AOAH: variants seen among roughly 807,000 people sequenced by gnomAD.
AOAH encodes acyloxyacyl hydrolase (neutrophil).
In AOAH, 64 loss-of-function variants were observed where a neutral mutation model predicts 92.2. The ratio of observed to expected loss-of-function variants is 0.69; its 90% CI spans 0.57 to 0.86. The LOEUF (loss-of-function observed/expected upper bound fraction) is 0.86, where lower values mean the gene tolerates loss of function less well. Ranked by LOEUF, AOAH falls within the 40% of genes least tolerant of loss-of-function variation. The pLI, the probability that AOAH is intolerant of heterozygous loss-of-function variation, is 0.00. For missense variants in AOAH, 656 were observed against 694.6 expected (o/e 0.94, Z 0.62); for synonymous variants, 263 against 254.5 (o/e 1.03, Z -0.32).
intron 16 of AOAH, among the ~76,000 whole-genome samples, chr7:36,534,644 C>T (rs1469373413): frequency 3.9e-5 from 6 of 152,066 alleles, no homozygotes; most frequent in African/African-American, 1.4e-4. Flanking sequence ...TTAAGCATTA[C>T]CTTTTATCTT....
At chr7:36,642,358 A>T (rs145735529) in intron 4 of AOAH, among the ~76,000 whole-genome samples, 1 of 152,288 alleles carries the variant, frequency 6.6e-6, no homozygotes, top group Non-Finnish European at 1.5e-5. Context: ...GTGAAGATAC[A>T]GGGAGAATGC....
Position 36,519,021 on chromosome 7 carries a change from A to T in AOAH, c.1599+3018T>A, listed in dbSNP as rs538781524. Among the ~76,000 whole-genome samples the T allele has an allele frequency of 2.6e-5, 4 of 152,182 alleles. 1 individual carries two copies. In the South Asian group the frequency reaches 8.3e-4, roughly 31 times the overall value. ...TTGGTCATTTAAAAAATCTTTTTAA[A>T]ATACAACTTTTCCTTTTGTTTTTCT... is the stretch of plus-strand genomic sequence containing the variant. On this transcript the variant is annotated intron_variant, in intron 20 of 20. Transcript: ENST00000617537.
intron 3 of AOAH, among the ~76,000 whole-genome samples, chr7:36,665,534 A>G (rs537450213): frequency 1.3e-5 from 2 of 151,154 alleles, no homozygotes; most frequent in South Asian, 4.2e-4. Flanking sequence ...TAGACTTTTT[A>G]TTTCCTCTCC....
intron 16 of AOAH, 119 bp downstream of exon 16, chr7:36,540,200 C>T (rs2116183022): frequency 2.0e-6 from 2 of 1,005,202 alleles, no homozygotes; most frequent in South Asian, 3.6e-5. Flanking sequence ...CTTTATCAAC[C>T]CTGACCCATG....
At chr7:36,674,763 A>T (rs1796133387) in intron 2 of AOAH, among the ~76,000 whole-genome samples, 2 of 152,216 alleles carry the variant, frequency 1.3e-5, no homozygotes, top group Admixed American at 1.3e-4. Context: ...CTGATTAAGG[A>T]GAATCTATCT....
At chr7:36,711,178 G>A (rs1584172829) in intron 1 of AOAH, among the ~76,000 whole-genome samples, 1 of 152,136 alleles carries the variant, frequency 6.6e-6, no homozygotes, top group East Asian at 1.9e-4. Flanking sequence ...AGACAGCCAT[G>A]TAATCACTAT....
intron 10 of AOAH, among the ~76,000 whole-genome samples, chr7:36,617,301 T>C (rs1791969762): frequency 6.6e-6 from 1 of 152,214 alleles, no homozygotes. Flanking sequence ...ATGTGGGGAA[T>C]CTAAGAGGCT....
intron 1 of AOAH, among the ~76,000 whole-genome samples, chr7:36,703,710 C>T (rs752641409): frequency 5.9e-5 from 9 of 151,980 alleles, no homozygotes; most frequent in African/African-American, 9.7e-5. Context: ...CATGTCCCTG[C>T]AAAGGACACG....
rs879556156 is a variant in AOAH, at chr7:36,686,793, C to A, written c.129G>T (p.Gly43=). The A allele has an allele frequency of 4.5e-6, 7 of 1,547,216 alleles. No homozygotes were observed. Among genetic ancestry groups the A allele is most frequent in the African/African-American group, 1.4e-5 (1 of 71,624 alleles). ...CTATTACAGACACCACCAGCACACA[C>A]CCTGCCAGGGAGGAGAAGAACATGT... The part of the protein sequence containing the change: ...PSLSNGHTCV[G]CVLVVSVIEQ... Residue 43 remains glycine, a splice_region_variant and synonymous_variant, in exon 2 of 21, where the codon GGG becomes GGT. Transcript: ENST00000617537.
chr7:36,643,028 T>A (rs1794006134), intron 4 of AOAH, among the ~76,000 whole-genome samples: 1 of 152,260 alleles, frequency 6.6e-6, no homozygotes, highest in South Asian at 2.1e-4. Flanking sequence ...TTAGTAAGCA[T>A]GACATTAGTA....
At chr7:36,680,927 C>G (rs1796602816) in intron 2 of AOAH, among the ~76,000 whole-genome samples, 1 of 152,166 alleles carries the variant, frequency 6.6e-6, no homozygotes, top group Non-Finnish European at 1.5e-5. Context: ...TCTGACATTT[C>G]CTGTTCGAAG....
intron 3 of AOAH, among the ~76,000 whole-genome samples, chr7:36,669,305 G>A (rs1479565284): frequency 2.7e-5 from 4 of 149,904 alleles, no homozygotes; most frequent in African/African-American, 4.9e-5. Flanking sequence ...CCTTTATAGT[G>A]TACTAGAATT....
intron 16 of AOAH, among the ~76,000 whole-genome samples, chr7:36,532,765 G>A (rs1053713693): frequency 1.3e-5 from 2 of 152,168 alleles, no homozygotes; most frequent in African/African-American, 2.4e-5. Context: ...TCGAGGTGGC[G>A]GTTGACCTAA....
chr7:36,658,399 C>A (rs201043826), intron 4 of AOAH, among the ~76,000 whole-genome samples: 2 of 151,904 alleles, frequency 1.3e-5, no homozygotes, highest in Non-Finnish European at 2.9e-5. Context: ...TTTTTTTTCA[C>A]GGGCAGCTCC....
intron 3 of AOAH, among the ~76,000 whole-genome samples, chr7:36,671,225 A>T (rs112989709): frequency 9.8e-4 from 149 of 152,084 alleles, no homozygotes; most frequent in Middle Eastern, 3.4e-3. Flanking sequence ...TACTTTTTTT[A>T]AAAAAATTTA....
intron 11 of AOAH, among the ~76,000 whole-genome samples, chr7:36,606,982 G>A (rs1313520950): frequency 6.6e-6 from 1 of 152,134 alleles, no homozygotes; most frequent in Non-Finnish European, 1.5e-5. Flanking sequence ...GGAACCATGA[G>A]AGAGAGTCTT....
chr7:36,589,917 A>G (rs547330518), intron 12 of AOAH, among the ~76,000 whole-genome samples: 1 of 152,170 alleles, frequency 6.6e-6, no homozygotes, highest in South Asian at 2.1e-4. Context: ...ATGAAGTACA[A>G]TTTTTAATCT....
chr7:36,659,333 C>G, intron 3 of AOAH, 68 bp from the exon 4 acceptor site: 1 of 1,307,958 alleles, frequency 7.6e-7, no homozygotes, highest in Non-Finnish European at 1.1e-6. Flanking sequence ...GAAGCTACTG[C>G]AAAGAAAGGT....
intron 5 of AOAH, among the ~76,000 whole-genome samples, chr7:36,635,226 A>G (rs1019885493): frequency 6.6e-6 from 1 of 152,216 alleles, no homozygotes; most frequent in Non-Finnish European, 1.5e-5. Context: ...AATCCCATCT[A>G]AAATGAGAGT....
Sources: allele counts gnomAD v4.1 joint callset (sites outside exome capture counted in the v4.1 genomes callset), GRCh38; gene constraint gnomAD v4.1.1; transcripts MANE v1.5; gene names NCBI Gene and HGNC (gene_info 2026-07-23, HGNC 2026-07-21).